The following LRFN5 variants were observed in gnomAD, a reference collection of about 807,000 sequenced individuals.
The protein encoded by LRFN5 is leucine rich repeat and fibronectin type III domain containing 5, also known as leucine-rich repeat and fibronectin type-III domain-containing protein 5.
A neutral mutation model predicts 45.6 loss-of-function variants in LRFN5; 24 were observed. The observed-to-expected ratio is 0.53, with a 90% CI of 0.38 to 0.74. LRFN5 has a LOEUF of 0.74. LRFN5 is among the 30% of genes least tolerant of loss of function. The pLI is 0.00. For synonymous variants in LRFN5, 340 were observed against 313.8 expected (o/e 1.08, Z -0.88); for missense variants, 776 against 861.5 (o/e 0.90, Z 1.24).
intron 2 of LRFN5, among the ~76,000 whole-genome samples, chr14:41,781,202 AG>A (rs1886469025): frequency 6.6e-6 from 1 of 152,058 alleles, no homozygotes; most frequent in Non-Finnish European, 1.5e-5. Flanking sequence ...AATTTCTGGC[AG>A]GGCATGTGTG....
intron 1 of LRFN5, among the ~76,000 whole-genome samples, chr14:41,756,738 A>T (rs1193190950): frequency 6.6e-6 from 1 of 152,026 alleles, no homozygotes; most frequent in Non-Finnish European, 1.5e-5. Flanking sequence ...TGATCGTCTG[A>T]AGCCTTCTTC....
chr14:41,810,524 C>G (rs1471453149), intron 2 of LRFN5, among the ~76,000 whole-genome samples: 1 of 151,996 alleles, frequency 6.6e-6, no homozygotes, highest in Non-Finnish European at 1.5e-5. Context: ...ATTTTCCTAT[C>G]AGATCCAGAT....
intron 1 of LRFN5, among the ~76,000 whole-genome samples, chr14:41,692,661 C>A (rs566173572): frequency 6.6e-6 from 1 of 151,916 alleles, no homozygotes. Flanking sequence ...TGAGAACATG[C>A]GGTGTTTGGT....
chr14:41,679,336 T>C (rs1009045543), intron 1 of LRFN5, among the ~76,000 whole-genome samples: 2 of 152,044 alleles, frequency 1.3e-5, no homozygotes, highest in African/African-American at 4.8e-5. Context: ...CTAGCAGCTC[T>C]GTGAGAGACT....
intron 2 of LRFN5, among the ~76,000 whole-genome samples, chr14:41,828,828 G>A (rs146553786): frequency 4.2e-4 from 64 of 151,926 alleles, no homozygotes; most frequent in African/African-American, 1.5e-3. Context: ...AGTTGAAAAT[G>A]CTTACAATGG....
chr14:41,749,946 A>T (rs568730778), intron 1 of LRFN5, among the ~76,000 whole-genome samples: 1 of 152,192 alleles, frequency 6.6e-6, no homozygotes, highest in Non-Finnish European at 1.5e-5. Flanking sequence ...TAAATAAAAT[A>T]TCAAAAATGG....
chr14:41,744,880 C>A (rs1177636312), intron 1 of LRFN5, among the ~76,000 whole-genome samples: 1 of 151,902 alleles, frequency 6.6e-6, no homozygotes, highest in African/African-American at 2.4e-5. Flanking sequence ...TAGTAATTGA[C>A]TGTAAAAATA....
chr14:41,842,714 T>C (rs1288955399), intron 2 of LRFN5, among the ~76,000 whole-genome samples: 3 of 152,148 alleles, frequency 2.0e-5, no homozygotes, highest in African/African-American at 4.8e-5. Context: ...TGTATAACAT[T>C]TTTTTACCAT....
At chr14:41,638,079 T>C (rs1879387468) in intron 1 of LRFN5, among the ~76,000 whole-genome samples, 1 of 152,138 alleles carries the variant, frequency 6.6e-6, no homozygotes, top group Admixed American at 6.6e-5. Context: ...ACAGCTGTGA[T>C]ATCCTAAATG....
intron 3 of LRFN5, 73 bp from the exon 4 acceptor site, chr14:41,891,177 A>G: frequency 1.7e-6 from 2 of 1,172,490 alleles, no homozygotes; most frequent in Non-Finnish European, 2.5e-6. Context: ...ACACTGAACT[A>G]AAGTCATAAT....
At chr14:41,747,627 T>C (rs1451541241) in intron 1 of LRFN5, among the ~76,000 whole-genome samples, 1 of 151,960 alleles carries the variant, frequency 6.6e-6, no homozygotes, top group Non-Finnish European at 1.5e-5. Flanking sequence ...TTATTGAATA[T>C]GACAGCAGAG....
rs912652481 is a variant in LRFN5 at position 41,804,893 on chromosome 14, A to G, written c.-21+37864A>G. Among the ~76,000 whole-genome samples the G allele has an allele frequency of 3.3e-5, 5 of 152,208 alleles. 1 individual carries two copies. Among genetic ancestry groups the G allele is most frequent in the African/African-American group, 1.2e-4 (5 of 41,464 alleles). On this transcript the variant is annotated intron_variant, in intron 2 of 5. Transcript: ENST00000298119. The stretch of plus-strand genomic sequence containing the variant: ...TTACCTCTAATACCAATAAACCTCC[A>G]GAATAGAAATGTGCATTTCCTTTTT...
intron 5 of LRFN5, among the ~76,000 whole-genome samples, chr14:41,900,355 GTATT>G (rs1478643699): frequency 1.3e-5 from 2 of 151,856 alleles, no homozygotes; most frequent in Non-Finnish European, 2.9e-5. Context: ...TTTTGCTTAT[GTATT>G]TATTTTAGTA....
chr14:41,738,291 G>A (rs1333809609), intron 1 of LRFN5, among the ~76,000 whole-genome samples: 3 of 152,076 alleles, frequency 2.0e-5, no homozygotes, highest in East Asian at 1.9e-4. Flanking sequence ...CTGGCTAGCC[G>A]TATGCAGAAA....
intron 2 of LRFN5, among the ~76,000 whole-genome samples, chr14:41,803,378 G>T (rs772806905): frequency 6.6e-6 from 1 of 151,670 alleles, no homozygotes; most frequent in East Asian, 1.9e-4. Flanking sequence ...TTGAGACAGG[G>T]TCACACTCTG....
Position 41,891,795 on chromosome 14 carries a change from A to G in LRFN5, c.1931A>G (p.Lys644Arg), listed in dbSNP as rs1455638668. The G allele has an allele frequency of 5.0e-6, 8 of 1,614,204 alleles. No individual in the cohort carries two copies. The highest frequency in any genetic ancestry group is 6.8e-6 in the Non-Finnish European group (8 of 1,180,044). ...TSSTSVSQKQ[K>R]RKTGTKPSTE... ...AGCACTTCTGTGTCCCAAAAGCAGA[A>G]AAGAAAGACTGGCACAAAGCCAAGT... The change falls in exon 4 of 6, where the codon AAA becomes AGA. Residue 644 changes from lysine to arginine, a missense_variant. Around this residue, in one of 2 missense-constraint regions of LRFN5, gnomAD observed 465 missense variants for 456.4 expected, o/e 1.02. Coordinates refer to ENST00000298119, the MANE Select transcript of LRFN5 (RefSeq NM_152447.5).
chr14:41,629,353 CA>C (rs2138575515), intron 1 of LRFN5, among the ~76,000 whole-genome samples: 2 of 152,288 alleles, frequency 1.3e-5, no homozygotes, highest in South Asian at 4.1e-4. Flanking sequence ...TTGTGGGTTA[CA>C]TGTCCATGTA....
chr14:41,626,016 A>G (rs1409888418), intron 1 of LRFN5, among the ~76,000 whole-genome samples: 5 of 152,120 alleles, frequency 3.3e-5, no homozygotes, highest in Non-Finnish European at 7.4e-5. Context: ...GTGAATTTAC[A>G]TTTTCTGGAA....
At chr14:41,833,775 C>T (rs1888566941) in intron 2 of LRFN5, among the ~76,000 whole-genome samples, 1 of 152,156 alleles carries the variant, frequency 6.6e-6, no homozygotes, top group Non-Finnish European at 1.5e-5. Context: ...TAACCATCTC[C>T]TAGTTTCTCC....
Sources: allele counts gnomAD v4.1 joint callset (sites outside exome capture counted in the v4.1 genomes callset), GRCh38; gene constraint gnomAD v4.1.1; regional missense constraint gnomAD v4.1.1; transcripts MANE v1.5; gene names NCBI Gene and HGNC (gene_info 2026-07-23, HGNC 2026-07-21).